COL11A2: variants seen among roughly 807,000 people sequenced by gnomAD.
COL11A2 encodes the protein collagen type XI alpha 2 chain, also known as collagen alpha-2(XI) chain.
A neutral mutation model predicts 273.4 loss-of-function variants in COL11A2; 116 were observed. That is an observed-to-expected ratio of 0.42 (90% CI 0.36 to 0.49). The LOEUF (loss-of-function observed/expected upper bound fraction) is 0.49. Among genes scored for constraint, COL11A2 ranks in the 20% least tolerant of loss-of-function variants. The pLI is 0.00. For synonymous variants in COL11A2, 782 were observed against 864.2 expected (o/e 0.90, Z 1.67); for missense variants, 1,866 against 2,309.0 (o/e 0.81, Z 3.93).
chr6:33,173,228 G>T lies in COL11A2; in HGVS notation c.2737-115C>A. The T allele has an allele frequency of 6.6e-7, 1 of 1,521,088 alleles. No individual in the cohort carries two copies. The highest frequency in any genetic ancestry group is 9.0e-7 in the Non-Finnish European group (1 of 1,109,712). The allele number at this position is 1,521,088 out of a possible 1,614,324, so 94.2% of individuals were successfully genotyped here. A position where few individuals can be genotyped will look rare whatever the true frequency, so the allele number is the denominator to read the frequency against. On this transcript the variant is annotated intron_variant, in intron 37 of 65. Coordinates refer to ENST00000341947, the MANE Select transcript of COL11A2 (RefSeq NM_080680.3). The surrounding 1 kb of genome is among the most constrained non-coding windows in gnomAD (Gnocchi z 6.3). Reference sequence around the variant, plus strand: ...ACCAAGCCCTGGGCCCTGGGTCTGAGCAGCACCAGGGCAGGCTCCACTCTG... The same window carrying T: ...ACCAAGCCCTGGGCCCTGGGTCTGATCAGCACCAGGGCAGGCTCCACTCTG...
intron 6 of COL11A2, 58 bp downstream of exon 6, chr6:33,185,643 G>A: frequency 1.3e-6 from 1 of 767,606 alleles, no homozygotes; most frequent in African/African-American, 1.8e-5. Context: ...TGTCCTAGGA[G>A]ATGATTGCTG....
intron 7 of COL11A2, among the ~76,000 whole-genome samples, 189 bp downstream of exon 7, chr6:33,184,803 G>A (rs183473494): frequency 7.9e-4 from 120 of 152,276 alleles, no homozygotes; most frequent in African/African-American, 2.3e-3. Context: ...TGAAGGGAAC[G>A]GGCTGGACTT....
rs56149439 is a variant in COL11A2, at chr6:33,176,912, G to A, written c.2070+80C>T. ...ACCACCAGTGACCTTTCAGTGCAAG[G>A]GTCACTAAAGGAGCTCTGAGGTCAT... On this transcript the variant is annotated intron_variant, in intron 25 of 65. Coordinates refer to ENST00000341947, the MANE Select transcript of COL11A2 (RefSeq NM_080680.3). The surrounding 1 kb of genome is among the most constrained non-coding windows in gnomAD (Gnocchi z 4.9). 676 of 1,546,524 alleles carry A rather than the reference G, an allele frequency of 4.4e-4. No homozygotes were observed. The highest frequency in any genetic ancestry group is 6.3e-4 in the Admixed American group (34 of 53,566).
In COL11A2 at chr6:33,178,508, A is replaced by G. The variant is rs778812481; in HGVS notation, c.1720-20T>C. The G allele has an allele frequency of 3.1e-6, 5 of 1,612,924 alleles. No homozygotes were observed. Among genetic ancestry groups the G allele is most frequent in the Non-Finnish European group, 4.2e-6 (5 of 1,179,948 alleles). ...ATCACCCTGCAAAATGGGGGAACTC[A>G]TAAGAGGGGCTTCAGAGCCCCCAAC... On this transcript the variant is annotated intron_variant, in intron 18 of 65. Transcript: ENST00000341947. The surrounding 1 kb of genome is among the most constrained non-coding windows in gnomAD (Gnocchi z 4.6).
In COL11A2 at chr6:33,189,247, T is replaced by G; in HGVS notation, c.233-59A>C. On this transcript the variant is annotated intron_variant, in intron 2 of 65. Transcript: ENST00000341947. The surrounding 1 kb of genome is among the most constrained non-coding windows in gnomAD (Gnocchi z 5.6). ...GGCAAAGGGAGCCGCCACAACCCCTTTCCTCCTGGTGTCTGATCCTAGGCC... is the reference window on the plus strand; with the variant it reads ...GGCAAAGGGAGCCGCCACAACCCCTGTCCTCCTGGTGTCTGATCCTAGGCC... 1 of 1,613,358 alleles carries G rather than the reference T, an allele frequency of 6.2e-7. No homozygotes were observed. Among genetic ancestry groups the G allele is most frequent in the Non-Finnish European group, 8.5e-7 (1 of 1,179,548 alleles).
rs556695870 is a variant in COL11A2 at position 33,187,404 on chromosome 6, C to CT, written c.607-587dup. Among the ~76,000 whole-genome samples, 3 of 152,256 alleles carry CT rather than the reference C, an allele frequency of 2.0e-5. No homozygotes were observed. The South Asian group carries it at 6.2e-4, about 32-fold the overall frequency. Reference sequence around the variant, plus strand: ...CATTTCCAGAGCCCACCTGGGAGCTCTTGGGGGTGATAGAGACTTTATATT... The same window carrying CT: ...CATTTCCAGAGCCCACCTGGGAGCTCTTTGGGGGTGATAGAGACTTTATATT... On this transcript the variant is annotated intron_variant, in intron 4 of 65. Coordinates refer to ENST00000341947, the MANE Select transcript of COL11A2 (RefSeq NM_080680.3).
Position 33,176,629 on chromosome 6 carries a change from A to T in COL11A2, c.2115+92T>A. On this transcript the variant is annotated intron_variant, in intron 26 of 65. Coordinates refer to ENST00000341947, the MANE Select transcript of COL11A2 (RefSeq NM_080680.3). The surrounding 1 kb of genome is among the most constrained non-coding windows in gnomAD (Gnocchi z 4.9). ...GGAATTGAGAATGTGGCAGAGCCAT[A>T]TGAATAATGAGACAAGGGAATCCCA... 1 of 1,418,296 alleles carries T rather than the reference A, an allele frequency of 7.1e-7. No homozygotes were observed. The highest frequency in any genetic ancestry group is 9.9e-7 in the Non-Finnish European group (1 of 1,013,424). 87.9% of individuals were successfully genotyped at this position (1,418,296 alleles called of 1,614,324 possible).
Position 33,192,464 on chromosome 6 carries a change from G to A in COL11A2, c.-224C>T. The A allele has an allele frequency of 1.7e-6, 1 of 586,182 alleles. No individual in the cohort carries two copies. The highest frequency in any genetic ancestry group is 2.0e-5 in the South Asian group (1 of 50,036). The allele number at this position is 586,182 out of a possible 1,614,324, so 36.3% of individuals were successfully genotyped here. ...TCCCTCCTCGGTGGCTGCCGCTTCT[G>A]TGTGTCCCCGGCCACCCTGGCGCCC... On this transcript the variant is annotated 5_prime_UTR_variant, in exon 1 of 66. Coordinates refer to ENST00000341947, the MANE Select transcript of COL11A2 (RefSeq NM_080680.3).
intron 10 of COL11A2, 51 bp downstream of exon 10, chr6:33,180,913 T>C (rs780695874): frequency 3.7e-6 from 6 of 1,610,344 alleles, no homozygotes; most frequent in Non-Finnish European, 5.1e-6. Flanking sequence ...GATGAGCACA[T>C]AGAAGGGGTT....
At position 33,168,564 on chromosome 6, in the gene COL11A2, AG is replaced by A; in HGVS notation, c.3914del (p.Pro1305LeufsTer40). The A allele has an allele frequency of 6.2e-7, 1 of 1,613,580 alleles. No homozygotes were observed. The highest frequency in any genetic ancestry group is 8.5e-7 in the Non-Finnish European group (1 of 1,179,814). On this transcript the variant is annotated frameshift_variant, in exon 54 of 66. Coordinates refer to ENST00000341947, the MANE Select transcript of COL11A2 (RefSeq NM_080680.3). LOFTEE classifies it high-confidence loss of function. ...EDGEPGQPGSPGPTGENGPPG... is the reference protein window; with the variant it reads ...EDGEPGQPGSXGPTGENGPPG... ...GGGGTCCATTCTCCCCGGTGGGACC[AG>A]GGGATCCCTAGGGAGAGAGGAATTG...
In COL11A2 at chr6:33,189,021, G is replaced by C; in HGVS notation, c.400C>G (p.Pro134Ala). The change falls in exon 3 of 66, where the codon CCC becomes GCC. Residue 134 changes from proline (P) to alanine (A), a missense_variant. Pro to Ala is a conservative substitution (Grantham distance 27, BLOSUM62 -1). Transcript: ENST00000341947. The surrounding 1 kb of genome is among the most constrained non-coding windows in gnomAD (Gnocchi z 5.6). Reference protein sequence around the residue: ...YEDQTGRPQPPSQPVFRGLSL... With the variant: ...YEDQTGRPQPASQPVFRGLSL... ...AGGCCTCGGAAGACTGGCTGAGAGG[G>C]AGGTTGAGGCCGCCCAGTCTGGTCT... 1 of 1,614,214 alleles carries C rather than the reference G, an allele frequency of 6.2e-7. No individual in the cohort carries two copies. Among genetic ancestry groups the C allele is most frequent in the Non-Finnish European group, 8.5e-7 (1 of 1,180,044 alleles).
Position 33,179,696 on chromosome 6 carries a change from T to C in COL11A2, c.1446+23A>G, listed in dbSNP as rs1163418300. 6.2e-7 allele frequency: 1 copy of C among 1,608,852 alleles called. No homozygotes were observed. The highest frequency in any genetic ancestry group is 8.5e-7 in the Non-Finnish European group (1 of 1,178,466). ...CCAGTGCCCCCCAGAGCCTTCCCTTTCCAGGGAAGCAGCCCCACTCACCCT... is the reference window on the plus strand; with the variant it reads ...CCAGTGCCCCCCAGAGCCTTCCCTTCCCAGGGAAGCAGCCCCACTCACCCT... On this transcript the variant is annotated intron_variant, in intron 13 of 65. Coordinates refer to ENST00000341947, the MANE Select transcript of COL11A2 (RefSeq NM_080680.3). The surrounding 1 kb of genome is among the most constrained non-coding windows in gnomAD (Gnocchi z 6.4).
At position 33,177,755 on chromosome 6, in the gene COL11A2, C is replaced by A; in HGVS notation, c.1873-49G>T. The A allele has an allele frequency of 6.2e-7, 1 of 1,609,078 alleles. No individual in the cohort carries two copies. Among genetic ancestry groups the A allele is most frequent in the Admixed American group, 1.7e-5 (1 of 59,976 alleles). ...CAGCCTGAAGGTGGCCCGGAGGGAC[C>A]TGTGGTTTTCAGAGGCCCGGCCATT... On this transcript the variant is annotated intron_variant, in intron 21 of 65. Transcript: ENST00000341947. The surrounding 1 kb of genome is among the most constrained non-coding windows in gnomAD (Gnocchi z 5.9).
chr6:33,175,716 A>C (rs755649978), intron 29 of COL11A2, 35 bp from the exon 30 acceptor site: 1 of 1,589,592 alleles, frequency 6.3e-7, no homozygotes, highest in Non-Finnish European at 8.6e-7. Flanking sequence ...AGTGCTGGGG[A>C]CTGGAGGTGG....
chr6:33,174,997 C>T (rs1288331443), intron 30 of COL11A2, among the ~76,000 whole-genome samples: 1 of 152,180 alleles, frequency 6.6e-6, no homozygotes, highest in Non-Finnish European at 1.5e-5. Context: ...CCCCCTTCCC[C>T]AGAGGCTCCA....
chr6:33,169,736 A>C lies in COL11A2; in HGVS notation c.3690+95T>G. ...CAGGGAGCAGAGACTCTTGCTGCAGAGGAGTTCCAGCTCAAGGAGGTCACA... is the reference window on the plus strand; with the variant it reads ...CAGGGAGCAGAGACTCTTGCTGCAGCGGAGTTCCAGCTCAAGGAGGTCACA... On this transcript the variant is annotated intron_variant, in intron 50 of 65. Coordinates refer to ENST00000341947, the MANE Select transcript of COL11A2 (RefSeq NM_080680.3). This position sits in a 1 kb window ranked among gnomAD's most constrained non-coding sequence, Gnocchi z 5.5. 1 of 1,460,780 alleles carries C rather than the reference A, an allele frequency of 6.8e-7. No individual in the cohort carries two copies. The highest frequency in any genetic ancestry group is 9.6e-7 in the Non-Finnish European group (1 of 1,040,314). The allele number at this position is 1,460,780 out of a possible 1,614,324, so 90.5% of individuals were successfully genotyped here. A position where few individuals can be genotyped will look rare whatever the true frequency, so the allele number is the denominator to read the frequency against.
chr6:33,173,817 G>A lies in COL11A2; in HGVS notation c.2583+56C>T. The A allele has an allele frequency of 1.9e-6, 3 of 1,611,414 alleles. No homozygotes were observed. Among genetic ancestry groups the A allele is most frequent in the Non-Finnish European group, 2.5e-6 (3 of 1,177,718 alleles). ...CTGTCCCCGAGGTCAGGATGTTGAGGGAGAGCTGGGGCTGAGTGGGCAGGG... is the reference window on the plus strand; with the variant it reads ...CTGTCCCCGAGGTCAGGATGTTGAGAGAGAGCTGGGGCTGAGTGGGCAGGG... On this transcript the variant is annotated intron_variant, in intron 34 of 65. Coordinates refer to ENST00000341947, the MANE Select transcript of COL11A2 (RefSeq NM_080680.3). This position sits in a 1 kb window ranked among gnomAD's most constrained non-coding sequence, Gnocchi z 6.3.
chr6:33,176,391 C>T lies in COL11A2; in HGVS notation c.2169+42G>A. The T allele has an allele frequency of 6.2e-7, 1 of 1,608,960 alleles. No individual in the cohort carries two copies. Among genetic ancestry groups the T allele is most frequent in the South Asian group, 1.1e-5 (1 of 90,396 alleles). On this transcript the variant is annotated intron_variant, in intron 27 of 65. Transcript: ENST00000341947. The surrounding 1 kb of genome is among the most constrained non-coding windows in gnomAD (Gnocchi z 4.9). ...AGCTCCTAAGACCCCATATAGCTCC[C>T]CTGACCACAGCCCTTTGTCTCCCAG...
rs1769052063 is a variant in COL11A2 at position 33,165,834 on chromosome 6, T to C, written c.4483-18A>G. 5 of 1,613,300 alleles carry C rather than the reference T, an allele frequency of 3.1e-6. No homozygotes were observed. Among genetic ancestry groups the C allele is most frequent in the Non-Finnish European group, 4.2e-6 (5 of 1,179,908 alleles). ...GGGGGACCCTGGGTGCAGGGACAGA[T>C]GGAGAGGGCAAGAGACAAGGTTGGT... On this transcript the variant is annotated intron_variant, in intron 62 of 65. Coordinates refer to ENST00000341947, the MANE Select transcript of COL11A2 (RefSeq NM_080680.3). This position sits in a 1 kb window ranked among gnomAD's most constrained non-coding sequence, Gnocchi z 7.7.
Sources: allele counts gnomAD v4.1 joint callset (sites outside exome capture counted in the v4.1 genomes callset), GRCh38; gene constraint gnomAD v4.1.1; non-coding constraint Gnocchi (gnomAD v3.1); transcripts MANE v1.5; gene names NCBI Gene and HGNC (gene_info 2026-07-23, HGNC 2026-07-21).